Variants in OTUD7B observed in about 807,000 individuals in gnomAD.
The protein encoded by OTUD7B is OTU domain-containing protein 7B.
A neutral mutation model predicts 82.2 loss-of-function variants in OTUD7B; 34 were observed. The ratio of observed to expected loss-of-function variants is 0.41; its 90% CI spans 0.31 to 0.55. OTUD7B has a LOEUF of 0.55. OTUD7B is among the 20% of genes least tolerant of loss of function. The pLI, the probability that OTUD7B is intolerant of heterozygous loss-of-function variation, is 0.20. For synonymous variants in OTUD7B, 398 were observed against 402.7 expected (o/e 0.99, Z 0.14); for missense variants, 944 against 1,062.1 (o/e 0.89, Z 1.55).
chr1:150,058,188 G>C, the OTUD7B span, among the ~76,000 whole-genome samples: 1 of 152,134 alleles, frequency 6.6e-6, no homozygotes, highest in Non-Finnish European at 1.5e-5. Context: ...GTGGTCCATG[G>C]AACGCCAGCA....
chr1:150,019,223 A>G, the OTUD7B span, among the ~76,000 whole-genome samples: 1 of 152,212 alleles, frequency 6.6e-6, no homozygotes, highest in Admixed American at 6.5e-5. Flanking sequence ...CCTCTGACGT[A>G]AACTATTGTA....
chr1:149,949,462 C>CT (rs377469748), intron 9 of OTUD7B, among the ~76,000 whole-genome samples, 167 bp downstream of exon 9: 144,946 of 148,416 alleles, frequency 0.98, 70,809 homozygotes, highest in East Asian at 1. Context: ...TCTCCCAACC[C>CT]TTTTTTTTTT....
chr1:150,000,402 G>C (rs782011793), intron 1 of OTUD7B, among the ~76,000 whole-genome samples: 5 of 152,058 alleles, frequency 3.3e-5, no homozygotes, highest in Admixed American at 2.0e-4. Context: ...TTGAACGCTG[G>C]AGGTAGATAT....
intron 9 of OTUD7B, 133 bp downstream of exon 9, chr1:149,949,496 T>A: frequency 1.0e-6 from 1 of 960,042 alleles, no homozygotes. Context: ...TGGCGTAACT[T>A]CTGGCTTAAT....
rs150636137 is a variant in OTUD7B, at chr1:149,997,072, A to C, written c.-67+13376T>G. On this transcript the variant is annotated intron_variant, in intron 1 of 11. Coordinates refer to ENST00000581312, the MANE Select transcript of OTUD7B (RefSeq NM_020205.4). The stretch of plus-strand genomic sequence containing the variant: ...GAGTTCCTAGTCAAAAAATCCGAGA[A>C]TATTTAGTCTTGGCAGACGAAATTA... Among the ~76,000 whole-genome samples the C allele has an allele frequency of 1.9e-3, 290 of 152,320 alleles. 2 individuals are homozygous for C. Among genetic ancestry groups the C allele is most frequent in the African/African-American group, 6.7e-3 (280 of 41,580 alleles).
At chr1:150,011,520 A>G (rs1653062747), upstream of OTUD7B, among the ~76,000 whole-genome samples, 1 of 152,206 alleles carries the variant, frequency 6.6e-6, no homozygotes, top group Non-Finnish European at 1.5e-5. Context: ...TATGTGTCCT[A>G]CCTGAGTGAC....
chr1:149,943,567 A>C lies in OTUD7B; in HGVS notation c.*290T>G. The C allele has an allele frequency of 3.2e-6, 1 of 312,856 alleles. No homozygotes were observed. The highest frequency in any genetic ancestry group is 5.9e-6 in the Non-Finnish European group (1 of 169,474). The allele number at this position is 312,856 out of a possible 1,614,324, so 19.4% of individuals were successfully genotyped here. A position where few individuals can be genotyped will look rare whatever the true frequency, so the allele number is the denominator to read the frequency against. ...CTGCTACTTTCTCTTAGGTCCCTGG[A>C]TGGGACCCAGGAGGTTATAAGACAG... On this transcript the variant is annotated 3_prime_UTR_variant, in exon 12 of 12. Coordinates refer to ENST00000581312, the MANE Select transcript of OTUD7B (RefSeq NM_020205.4).
intron 7 of OTUD7B, among the ~76,000 whole-genome samples, chr1:149,950,526 T>C (rs986933707): frequency 3.9e-5 from 6 of 152,294 alleles, no homozygotes; most frequent in Admixed American, 6.5e-5. Flanking sequence ...CCTCTCTCCA[T>C]TCTCTTCATC....
chr1:150,005,641 T>C (rs1652610330), intron 1 of OTUD7B, among the ~76,000 whole-genome samples: 1 of 138,134 alleles, frequency 7.2e-6, no homozygotes, highest in Admixed American at 7.8e-5. Flanking sequence ...ACTTCTTAAA[T>C]GTGGACACTT....
chr1:149,942,272 T>A lies in OTUD7B; in HGVS notation c.*1585A>T, dbSNP rs782289060. The A allele has an allele frequency of 1.2e-4, 18 of 152,584 alleles. No individual in the cohort carries two copies. Among genetic ancestry groups the A allele is most frequent in the African/African-American group, 4.3e-4 (18 of 41,412 alleles). 9.5% of individuals were successfully genotyped at this position (152,584 alleles called of 1,614,324 possible). A position where few individuals can be genotyped will look rare whatever the true frequency, so the allele number is the denominator to read the frequency against. ...AGTACACTTATTCCCCTTCTTCACA[T>A]GCACCCGGGAGTGTATACAATTGCA... On this transcript the variant is annotated 3_prime_UTR_variant, in exon 12 of 12. Coordinates refer to ENST00000581312, the MANE Select transcript of OTUD7B (RefSeq NM_020205.4).
the OTUD7B span, among the ~76,000 whole-genome samples, chr1:150,034,160 T>C: frequency 6.6e-6 from 1 of 152,238 alleles, no homozygotes; most frequent in South Asian, 2.1e-4. Flanking sequence ...GACATTAGAA[T>C]GTCTCTAAGC....
At chr1:150,006,218 G>T in intron 1 of OTUD7B, among the ~76,000 whole-genome samples, 1 of 152,190 alleles carries the variant, frequency 6.6e-6, no homozygotes, top group East Asian at 1.9e-4. Flanking sequence ...AGCACTTTGG[G>T]AGGCCGAGTC....
intron 1 of OTUD7B, among the ~76,000 whole-genome samples, chr1:150,006,959 C>A (rs1380670156): frequency 2.6e-5 from 4 of 152,216 alleles, no homozygotes; most frequent in Non-Finnish European, 4.4e-5. Flanking sequence ...CTCATTAAAT[C>A]CGTCCTTTGT....
chr1:150,060,900 G>A, the OTUD7B span, among the ~76,000 whole-genome samples: 1 of 152,038 alleles, frequency 6.6e-6, no homozygotes, highest in South Asian at 2.1e-4. Context: ...TTCTCGTGTA[G>A]GATTTATTTT....
intron 10 of OTUD7B, among the ~76,000 whole-genome samples, chr1:149,947,600 C>G (rs1426085179): frequency 6.6e-6 from 1 of 152,058 alleles, no homozygotes; most frequent in African/African-American, 2.4e-5. Flanking sequence ...TTGGAAAGAG[C>G]CCAGCACAGT....
chr1:150,035,583 T>C, the OTUD7B span, among the ~76,000 whole-genome samples: 1 of 152,222 alleles, frequency 6.6e-6, no homozygotes, highest in Non-Finnish European at 1.5e-5. Flanking sequence ...TATGTATATG[T>C]TTCTATTGTC....
rs1649004559 is a variant in OTUD7B, at chr1:149,959,793, C to A, written c.736G>T (p.Gly246Trp). The A allele has an allele frequency of 6.2e-7, 1 of 1,610,250 alleles. No individual in the cohort carries two copies. The highest frequency in any genetic ancestry group is 2.2e-5 in the East Asian group (1 of 44,864). ...WQQTQQNKESGLVYTEDEWQK... is the reference protein window; with the variant it reads ...WQQTQQNKESWLVYTEDEWQK... ...CATTCATCTTCTGTGTATACCAGCCCTGACTGTGTGAAGGACAGGCAGGGG... is the reference window on the plus strand; with the variant it reads ...CATTCATCTTCTGTGTATACCAGCCATGACTGTGTGAAGGACAGGCAGGGG... The change falls in exon 7 of 12, where the codon GGG becomes TGG. Residue 246 changes from glycine (G) to tryptophan (W), a missense_variant. This residue lies in a region of OTUD7B where 530 missense variants were observed against 625.6 expected (regional missense o/e 0.85). Coordinates refer to ENST00000581312, the MANE Select transcript of OTUD7B (RefSeq NM_020205.4).
chr1:149,951,786 T>C (rs897175819), intron 7 of OTUD7B, among the ~76,000 whole-genome samples: 1 of 152,306 alleles, frequency 6.6e-6, no homozygotes, highest in East Asian at 1.9e-4. Context: ...TTTTAACCAT[T>C]ATGGAAAATT....
At chr1:149,970,661 T>C (rs1195310305) in intron 3 of OTUD7B, among the ~76,000 whole-genome samples, 1 of 152,200 alleles carries the variant, frequency 6.6e-6, no homozygotes, top group African/African-American at 2.4e-5. Flanking sequence ...CATACACATA[T>C]ATGATAAATT....
Sources: gnomAD v4.1 joint callset for allele counts (sites outside exome capture counted in the v4.1 genomes callset) on GRCh38, gnomAD v4.1.1 for gene constraint, gnomAD v4.1.1 regional missense constraint, MANE v1.5 for transcripts, NCBI Gene and HGNC (gene_info 2026-07-23, HGNC 2026-07-21) for gene names.